The following SEMA3A variants were observed in gnomAD, a reference collection of about 807,000 sequenced individuals.
The protein encoded by SEMA3A is semaphorin 3A, also known as semaphorin-3A.
A neutral mutation model predicts 97.9 loss-of-function variants in SEMA3A; 29 were observed. That is an observed-to-expected ratio of 0.30 (90% CI 0.22 to 0.40). The LOEUF is 0.40. Ranked by LOEUF, SEMA3A falls within the 10% of genes least tolerant of loss-of-function variation. The pLI is 1.00. For synonymous variants in SEMA3A, 321 were observed against 323.7 expected, an observed-to-expected ratio of 0.99 and a Z score of 0.09; for missense variants, 763 against 951.3, an observed-to-expected ratio of 0.80 and a Z score of 2.60.
chr7:84,094,912 T>G (rs1374834702), intron 4 of SEMA3A, among the ~76,000 whole-genome samples: 1 of 151,964 alleles, frequency 6.6e-6, no homozygotes, highest in Non-Finnish European at 1.5e-5. Context: ...AGTGGAAAAC[T>G]GATAGAAGTC....
At chr7:84,427,725 T>C (rs1382759049) in intron 1 of SEMA3A, among the ~76,000 whole-genome samples, 3 of 151,458 alleles carry the variant, frequency 2.0e-5, no homozygotes, top group Non-Finnish European at 4.4e-5. Flanking sequence ...CCCTTTTAGA[T>C]GCTTTGAATA....
chr7:84,033,575 G>GA (rs1446580443), intron 6 of SEMA3A, among the ~76,000 whole-genome samples: 1 of 152,070 alleles, frequency 6.6e-6, no homozygotes, highest in African/African-American at 2.4e-5. Flanking sequence ...GCAGTAAATT[G>GA]AATCTAAATA....
intron 2 of SEMA3A, among the ~76,000 whole-genome samples, chr7:84,132,405 TTTTTA>T (rs1341842971): frequency 6.6e-6 from 1 of 152,024 alleles, no homozygotes; most frequent in Admixed American, 6.6e-5. Context: ...AGCTGTAAGA[TTTTTA>T]TTTTATAATT....
In SEMA3A at chr7:84,014,034, C is replaced by T. The variant is rs531701829; in HGVS notation, c.810+175G>A. On this transcript the variant is annotated intron_variant, in intron 7 of 16. Coordinates refer to ENST00000265362, the MANE Select transcript of SEMA3A (RefSeq NM_006080.3). The stretch of plus-strand genomic sequence containing the variant: ...CAACCTGTACCTGTATATTTGACTG[C>T]GAAGAGTTACTCATAACCAACTATA... 2.6e-5 allele frequency among the ~76,000 whole-genome samples: 4 copies of T among 152,158 alleles called. No individual in the cohort carries two copies. The South Asian group carries it at 6.2e-4, about 24-fold the overall frequency.
At chr7:84,093,677 T>C (rs1225911544) in intron 4 of SEMA3A, among the ~76,000 whole-genome samples, 1 of 152,064 alleles carries the variant, frequency 6.6e-6, no homozygotes, top group African/African-American at 2.4e-5. Context: ...GCCATAATCC[T>C]CAGCAAACTA....
At chr7:84,426,309 TAGATAGATAGAC>T (rs1215277175) in intron 1 of SEMA3A, among the ~76,000 whole-genome samples, 19 of 151,780 alleles carry the variant, frequency 1.3e-4, no homozygotes, top group African/African-American at 4.1e-4. Context: ...GATAGATAGA[TAGATAGATAGAC>T]AGACAAATGC....
chr7:84,211,966 G>C (rs535614218), intron 3 of SEMA3A, among the ~76,000 whole-genome samples: 4 of 152,262 alleles, frequency 2.6e-5, no homozygotes, highest in African/African-American at 9.6e-5. Context: ...AACCAACCTG[G>C]GAAGAACCGG....
chr7:84,044,477 A>C (rs1365670183), intron 6 of SEMA3A, among the ~76,000 whole-genome samples: 1 of 152,088 alleles, frequency 6.6e-6, no homozygotes, highest in Non-Finnish European at 1.5e-5. Flanking sequence ...TTAAAGAATA[A>C]AGAAGTTATG....
At chr7:84,004,281 TATATC>T (rs1437318751) in intron 11 of SEMA3A, among the ~76,000 whole-genome samples, 1 of 152,050 alleles carries the variant, frequency 6.6e-6, no homozygotes, top group East Asian at 1.9e-4. Flanking sequence ...AATAAAATAA[TATATC>T]ATAATAACAA....
chr7:84,223,016 C>T (rs187481297), intron 3 of SEMA3A, among the ~76,000 whole-genome samples: 6 of 151,946 alleles, frequency 3.9e-5, no homozygotes, highest in Admixed American at 2.0e-4. Flanking sequence ...TTTCTGGACA[C>T]ATTATATAGG....
intron 6 of SEMA3A, among the ~76,000 whole-genome samples, chr7:84,022,917 A>G (rs1015655843): frequency 6.6e-6 from 1 of 152,226 alleles, no homozygotes; most frequent in African/African-American, 2.4e-5. Context: ...TCTTGGGCCA[A>G]TGCTATCATG....
At chr7:84,120,722 T>G (rs970893743) in intron 3 of SEMA3A, among the ~76,000 whole-genome samples, 4 of 152,182 alleles carry the variant, frequency 2.6e-5, no homozygotes, top group Non-Finnish European at 5.9e-5. Flanking sequence ...TTATGCAGAG[T>G]GTCCACATAA....
chr7:84,323,849 G>C (rs1187510188), intron 2 of SEMA3A, among the ~76,000 whole-genome samples: 6 of 152,090 alleles, frequency 3.9e-5, no homozygotes, highest in Admixed American at 1.3e-4. Context: ...AATATCCCAT[G>C]AATTTTTCTT....
At chr7:84,054,250 A>G (rs1414124641) in intron 5 of SEMA3A, among the ~76,000 whole-genome samples, 1 of 152,272 alleles carries the variant, frequency 6.6e-6, no homozygotes, top group Admixed American at 6.5e-5. Flanking sequence ...CTGAATCTGA[A>G]CGTTGGCTTG....
rs560356793 is a variant in SEMA3A at position 84,127,500 on chromosome 7, G to T, written c.333+1623C>A. 2.2e-4 allele frequency among the ~76,000 whole-genome samples: 33 copies of T among 152,210 alleles called. 2 individuals are homozygous for T. In the South Asian group the frequency reaches 6.8e-3, roughly 32 times the overall value. ...CCCATTACAAAACTTCATTGCAGCAGTACCCCTGAATAAAGTCTGCCTTAC... is the reference window on the plus strand; with the variant it reads ...CCCATTACAAAACTTCATTGCAGCATTACCCCTGAATAAAGTCTGCCTTAC... On this transcript the variant is annotated intron_variant, in intron 3 of 16. Coordinates refer to ENST00000265362, the MANE Select transcript of SEMA3A (RefSeq NM_006080.3).
At chr7:84,143,948 C>A (rs143865692) in intron 1 of SEMA3A, among the ~76,000 whole-genome samples, 1 of 74,460 alleles carries the variant, frequency 1.3e-5, no homozygotes, top group African/African-American at 4.5e-5. Flanking sequence ...CTCTCTCTCT[C>A]TAACACACAC....
intron 1 of SEMA3A, among the ~76,000 whole-genome samples, chr7:84,428,464 T>C (rs185657728): frequency 8.5e-5 from 13 of 152,170 alleles, no homozygotes; most frequent in Middle Eastern, 3.4e-3. Flanking sequence ...TCACATATAG[T>C]TTACCTCTTA....
In SEMA3A at chr7:84,404,544, T is replaced by C. The variant is rs559125701; in HGVS notation, c.-245-32644A>G. 2.6e-5 allele frequency among the ~76,000 whole-genome samples: 4 copies of C among 152,084 alleles called. No homozygotes were observed. In the South Asian group the frequency reaches 8.3e-4, roughly 32 times the overall value. On this transcript the variant is annotated intron_variant, in intron 1 of 3. Transcript: ENST00000424555. ...ATTCAAATTCAGGAAACACAGAGAATGCCACAGAGATACTCCTCGAGAAGA... is the reference window on the plus strand; with the variant it reads ...ATTCAAATTCAGGAAACACAGAGAACGCCACAGAGATACTCCTCGAGAAGA...
intron 10 of SEMA3A, among the ~76,000 whole-genome samples, chr7:84,006,012 T>C (rs570837059): frequency 6.6e-6 from 1 of 152,266 alleles, no homozygotes; most frequent in East Asian, 1.9e-4. Flanking sequence ...TATATCTTAA[T>C]TCTCAGTGAG....
Sources: allele counts gnomAD v4.1 joint callset (sites outside exome capture counted in the v4.1 genomes callset), GRCh38; gene constraint gnomAD v4.1.1; transcripts MANE v1.5; gene names NCBI Gene and HGNC (gene_info 2026-07-23, HGNC 2026-07-21).